Variants in PTP4A1 observed in about 807,000 individuals in gnomAD.
PTP4A1 encodes the protein protein tyrosine phosphatase 4A1.
In PTP4A1, 9 loss-of-function variants were observed where a neutral mutation model predicts 20.5. The observed-to-expected ratio is 0.44, with a 90% CI of 0.26 to 0.77. The LOEUF is 0.77. Among genes scored for constraint, PTP4A1 ranks in the 30% least tolerant of loss-of-function variants. The probability of loss-of-function intolerance (pLI) is 0.19; values close to 1 mark genes in which losing one functional copy is unlikely to be tolerated. For missense variants in PTP4A1, 137 were observed against 218.8 expected (o/e 0.63, Z 2.36); for synonymous variants, 78 against 67.4 (o/e 1.16, Z -0.77).
At position 63,549,397 on chromosome 6, in the gene PTP4A1, T is replaced by C. The variant is rs1440992036; in HGVS notation, c.-639-903T>C. ...CTGAATGTCCTGTCCAATGTCAAAATTCTTAGGCCGTTTCTCAAACAGGGG... is the reference window on the plus strand; with the variant it reads ...CTGAATGTCCTGTCCAATGTCAAAACTCTTAGGCCGTTTCTCAAACAGGGG... On this transcript the variant is annotated intron_variant, in intron 2 of 3. Coordinates refer to the PTP4A1 transcript ENST00000639568. The C allele has an allele frequency of 4.0e-6, 3 of 753,726 alleles. No individual in the cohort carries two copies. In the East Asian group the frequency reaches 7.4e-5, roughly 18 times the overall value. 46.7% of individuals were successfully genotyped at this position (753,726 alleles called of 1,614,324 possible).
intron 3 of PTP4A1, among the ~76,000 whole-genome samples, chr6:63,552,195 C>T (rs183311601): frequency 1.3e-5 from 2 of 152,294 alleles, no homozygotes; most frequent in Non-Finnish European, 1.5e-5. Context: ...CACATCCTCT[C>T]CAGCACCTGT....
chr6:63,534,452 A>AACACAC lies in PTP4A1; in HGVS notation c.-640+6397_-640+6402dup, dbSNP rs61533550. On this transcript the variant is annotated intron_variant, in intron 2 of 3. Transcript: ENST00000639568. ...GAAGCCATCACCACACACACAGAGA[A>AACACAC]ACACACACACACACACACACACACA... Among the ~76,000 whole-genome samples the AACACAC allele has an allele frequency of 3.4e-3, 488 of 144,504 alleles. 2 individuals are homozygous for AACACAC. The highest frequency in any genetic ancestry group is 0.021 in the Middle Eastern group (6 of 282). 94.8% of individuals were successfully genotyped at this position (144,504 alleles called of 152,430 possible). A position where few individuals can be genotyped will look rare whatever the true frequency, so the allele number is the denominator to read the frequency against.
rs1339104410 is a variant in PTP4A1, at chr6:63,580,590, AACACTAG to A, written c.*419_*425del. ...CAGAAGTAAAATCCCAGGAACTATG[AACACTAG>A]ACCTTATGTGGTTTATTCCTTCAAT... On this transcript the variant is annotated 3_prime_UTR_variant, in exon 6 of 6. Transcript: ENST00000626021. 1 of 158,786 alleles carries A rather than the reference AACACTAG, an allele frequency of 6.3e-6. No individual in the cohort carries two copies. The highest frequency in any genetic ancestry group is 2.4e-5 in the African/African-American group (1 of 41,432). The allele number at this position is 158,786 out of a possible 1,614,324, so 9.8% of individuals were successfully genotyped here.
chr6:63,516,562 T>C, the PTP4A1 span, among the ~76,000 whole-genome samples: 4 of 152,220 alleles, frequency 2.6e-5, no homozygotes, highest in Non-Finnish European at 4.4e-5. Context: ...AATTTTTCCA[T>C]TTGTAAGTTG....
intron 3 of PTP4A1, chr6:63,550,530 T>G (rs1776390702): frequency 6.6e-6 from 1 of 152,226 alleles, no homozygotes; most frequent in South Asian, 2.1e-4. Context: ...ATAAAGGGCC[T>G]GTAAGAGCTC....
At chr6:63,546,763 A>G (rs1402557350) in intron 2 of PTP4A1, among the ~76,000 whole-genome samples, 1 of 152,178 alleles carries the variant, frequency 6.6e-6, no homozygotes, top group African/African-American at 2.4e-5. Flanking sequence ...CTGGAGATCT[A>G]TTACCCAGCA....
chr6:63,581,303 G>T lies in PTP4A1; in HGVS notation c.*1129G>T, dbSNP rs1778209513. On this transcript the variant is annotated 3_prime_UTR_variant, in exon 6 of 6. Transcript: ENST00000626021. The stretch of plus-strand genomic sequence containing the variant: ...TATGTAATTGATAAAATGGTGATGT[G>T]TATTAATGTTAGTTCAACCATATAT... 6.6e-6 allele frequency: 1 copy of T among 152,470 alleles called. No individual in the cohort carries two copies. Among genetic ancestry groups the T allele is most frequent in the Non-Finnish European group, 1.5e-5 (1 of 67,966 alleles). The allele number at this position is 152,470 out of a possible 1,614,324, so 9.4% of individuals were successfully genotyped here.
chr6:63,563,126 G>C (rs1777037575), intron 3 of PTP4A1, among the ~76,000 whole-genome samples: 1 of 152,184 alleles, frequency 6.6e-6, no homozygotes, highest in Non-Finnish European at 1.5e-5. Context: ...GAAATCTCAA[G>C]TGTTTCACCC....
intron 3 of PTP4A1, among the ~76,000 whole-genome samples, chr6:63,561,354 T>A (rs1210493948): frequency 6.6e-6 from 1 of 152,210 alleles, no homozygotes; most frequent in East Asian, 1.9e-4. Flanking sequence ...AAGCACTCAA[T>A]AAATGTCAGT....
At chr6:63,557,913 G>A (rs1226783480) in intron 3 of PTP4A1, among the ~76,000 whole-genome samples, 3 of 150,422 alleles carry the variant, frequency 2.0e-5, no homozygotes, top group African/African-American at 2.4e-5. Context: ...TTTTTGAGAC[G>A]GAGTCTTGCT....
chr6:63,559,465 G>A (rs201085137), intron 3 of PTP4A1, among the ~76,000 whole-genome samples: 1 of 152,088 alleles, frequency 6.6e-6, no homozygotes, highest in East Asian at 1.9e-4. Context: ...TGAATTTCAC[G>A]GCCAGGTGCA....
chr6:63,549,476 C>A (rs535273033), intron 2 of PTP4A1: 2 of 787,486 alleles, frequency 2.5e-6, no homozygotes, highest in South Asian at 1.4e-5. Flanking sequence ...CCGGAGCCAC[C>A]TTCTTTCCCT....
chr6:63,543,829 A>T (rs1322069813), intron 2 of PTP4A1, among the ~76,000 whole-genome samples: 4 of 152,224 alleles, frequency 2.6e-5, no homozygotes, highest in Non-Finnish European at 4.4e-5. Flanking sequence ...CAGTGTAATA[A>T]GAGTTTCTTT....
intron 3 of PTP4A1, among the ~76,000 whole-genome samples, chr6:63,559,994 G>A (rs1321156540): frequency 5.9e-5 from 9 of 152,156 alleles, no homozygotes; most frequent in Non-Finnish European, 1.5e-5. Context: ...TATTGTGGAA[G>A]ATCACGGAAT....
upstream of PTP4A1, chr6:63,570,911 T>C (rs1044892157): frequency 6.6e-6 from 1 of 152,242 alleles, no homozygotes; most frequent in African/African-American, 2.4e-5. Context: ...GTCCCTTTTT[T>C]TCGACATGAG....
At position 63,564,133 on chromosome 6, in the gene PTP4A1, G is replaced by A. The variant is rs138106496; in HGVS notation, c.-445-12303G>A. 1.8e-3 allele frequency among the ~76,000 whole-genome samples: 280 copies of A among 152,092 alleles called. 1 individual carries two copies. The highest frequency in any genetic ancestry group is 6.5e-3 in the African/African-American group (268 of 41,498). ...CTACTAAAAATACAAAAATTAGCCG[G>A]GTGTGGTGGCAGGTGCCTGGTAATC... On this transcript the variant is annotated intron_variant, in intron 3 of 3. Transcript: ENST00000639568.
chr6:63,536,645 G>A lies in PTP4A1; in HGVS notation c.-640+8561G>A, dbSNP rs531486251. Among the ~76,000 whole-genome samples the A allele has an allele frequency of 3.8e-4, 58 of 152,150 alleles. 2 individuals are homozygous for A. In the South Asian group the frequency reaches 7.1e-3, roughly 18 times the overall value. ...TTCTACTGTAACATTTGTGTCAGTC[G>A]CGATAACTGTGTTTTATCCACAAGG... On this transcript the variant is annotated intron_variant, in intron 2 of 3. Transcript: ENST00000639568.
intron 3 of PTP4A1, among the ~76,000 whole-genome samples, chr6:63,560,033 T>C (rs1776866785): frequency 6.6e-6 from 1 of 152,168 alleles, no homozygotes; most frequent in South Asian, 2.1e-4. Context: ...CTAAGGAAGG[T>C]ACCCCACGGT....
At chr6:63,541,618 C>T (rs1222315813) in intron 2 of PTP4A1, among the ~76,000 whole-genome samples, 3 of 152,120 alleles carry the variant, frequency 2.0e-5, no homozygotes, top group African/African-American at 7.2e-5. Context: ...ATATTTCCAA[C>T]CTCTTTGCAT....
Sources: gnomAD v4.1 joint callset for allele counts (sites outside exome capture counted in the v4.1 genomes callset) on GRCh38, gnomAD v4.1.1 for gene constraint, MANE v1.5 for transcripts, NCBI Gene and HGNC (gene_info 2026-07-23, HGNC 2026-07-21) for gene names.